Variants in CDH18 observed in about 807,000 individuals in gnomAD.
CDH18 encodes cadherin 18, also known as cadherin-18.
Under a neutral mutation model 67.9 loss-of-function variants are expected in CDH18, and 31 were observed. The observed-to-expected ratio is 0.46, with a 90% confidence interval of 0.34 to 0.62. The LOEUF (loss-of-function observed/expected upper bound fraction) is 0.62. Ranked by LOEUF, CDH18 falls within the 20% of genes least tolerant of loss-of-function variation. The pLI is 0.01. For missense variants in CDH18, 890 were observed against 975.5 expected (o/e 0.91, Z 1.17); for synonymous variants, 362 against 347.2 (o/e 1.04, Z -0.48).
chr5:20,274,782 T>G (rs940322512), intron 1 of CDH18, among the ~76,000 whole-genome samples: 1 of 152,208 alleles, frequency 6.6e-6, no homozygotes, highest in Admixed American at 6.5e-5. Flanking sequence ...CGTATTATCA[T>G]ACTTTGAGAA....
chr5:20,378,265 G>A lies in CDH18; in HGVS notation c.-579-122760C>T, dbSNP rs988102718. 3.9e-5 allele frequency among the ~76,000 whole-genome samples: 6 copies of A among 152,050 alleles called. No homozygotes were observed. In the East Asian group the frequency reaches 7.7e-4, roughly 20 times the overall value. On this transcript the variant is annotated intron_variant, in intron 1 of 14. Transcript: ENST00000507958. ...CGGCTCCCTGAAAGCTCCGCCTCCC[G>A]GGTTCACGCCATTCTCCTGCCTCAG...
chr5:19,673,240 A>C (rs1758995624), intron 5 of CDH18, among the ~76,000 whole-genome samples: 1 of 152,096 alleles, frequency 6.6e-6, no homozygotes, highest in Non-Finnish European at 1.5e-5. Flanking sequence ...ATCATCAGAA[A>C]CTAAACTATT....
At chr5:20,412,525 GCTT>G (rs1328107365) in intron 1 of CDH18, among the ~76,000 whole-genome samples, 1 of 152,170 alleles carries the variant, frequency 6.6e-6, no homozygotes, top group East Asian at 1.9e-4. Context: ...AAAGCAAAGA[GCTT>G]CTGCATAACA....
intron 1 of CDH18, among the ~76,000 whole-genome samples, chr5:20,406,679 G>A (rs896440358): frequency 6.6e-6 from 1 of 152,124 alleles, no homozygotes; most frequent in African/African-American, 2.4e-5. Context: ...CACTATTAAT[G>A]TTATGTAGAC....
chr5:20,467,151 G>A (rs951413325), intron 1 of CDH18, among the ~76,000 whole-genome samples: 1 of 152,086 alleles, frequency 6.6e-6, no homozygotes, highest in Non-Finnish European at 1.5e-5. Flanking sequence ...TAATGTAGCA[G>A]TAGGTCCCAA....
At chr5:19,917,344 C>CCA (rs879337167) in intron 2 of CDH18, among the ~76,000 whole-genome samples, 1 of 150,104 alleles carries the variant, frequency 6.7e-6, no homozygotes, top group Non-Finnish European at 1.5e-5. Flanking sequence ...TTTCCCCCCC[C>CCA]GCCCCCTTTT....
At chr5:20,264,571 G>T (rs184464002) in intron 1 of CDH18, among the ~76,000 whole-genome samples, 27 of 151,952 alleles carry the variant, frequency 1.8e-4, no homozygotes, top group East Asian at 1.4e-3. Flanking sequence ...AATGCAATTG[G>T]AAATATGGCT....
chr5:20,398,620 T>C (rs1053822904), intron 1 of CDH18, among the ~76,000 whole-genome samples: 3 of 151,386 alleles, frequency 2.0e-5, no homozygotes, highest in African/African-American at 7.3e-5. Context: ...TGTATACCTA[T>C]GTAAAAAACC....
intron 1 of CDH18, among the ~76,000 whole-genome samples, chr5:20,272,963 C>A (rs558162430): frequency 9.1e-4 from 138 of 152,100 alleles, no homozygotes; most frequent in Non-Finnish European, 1.5e-3. Context: ...TGCACACGGG[C>A]AAACACTAAG....
chr5:20,389,105 C>T (rs1580884696), intron 1 of CDH18, among the ~76,000 whole-genome samples: 1 of 151,964 alleles, frequency 6.6e-6, no homozygotes. Flanking sequence ...CCTGGATATC[C>T]TTGTTAACTT....
At chr5:20,225,670 T>A (rs1741567643) in intron 2 of CDH18, among the ~76,000 whole-genome samples, 1 of 152,022 alleles carries the variant, frequency 6.6e-6, no homozygotes, top group African/African-American at 2.4e-5. Context: ...TTAGTAGGGA[T>A]TCGTTAGAGC....
chr5:20,383,767 A>G (rs976166967), intron 1 of CDH18, among the ~76,000 whole-genome samples: 6 of 152,178 alleles, frequency 3.9e-5, no homozygotes, highest in Admixed American at 6.6e-5. Context: ...TACAGAATAT[A>G]ATTTGTAATA....
At chr5:20,128,062 G>A (rs555433775) in intron 2 of CDH18, among the ~76,000 whole-genome samples, 19 of 152,074 alleles carry the variant, frequency 1.2e-4, no homozygotes, top group African/African-American at 3.9e-4. Context: ...ATTGGCTCAC[G>A]CTAGTCTCCC....
chr5:20,497,743 G>A (rs1753996451), intron 1 of CDH18, among the ~76,000 whole-genome samples: 2 of 152,114 alleles, frequency 1.3e-5, no homozygotes, highest in Admixed American at 6.6e-5. Flanking sequence ...AGACCCTCAT[G>A]AGAAAATATC....
chr5:19,728,956 C>T (rs746711110), intron 4 of CDH18, among the ~76,000 whole-genome samples: 1 of 152,136 alleles, frequency 6.6e-6, no homozygotes, highest in Non-Finnish European at 1.5e-5. Flanking sequence ...GCATTGTAGT[C>T]ATTGTGTAAT....
intron 9 of CDH18, among the ~76,000 whole-genome samples, chr5:19,532,832 G>A (rs1301218956): frequency 1.3e-5 from 2 of 152,174 alleles, no homozygotes; most frequent in Admixed American, 6.5e-5. Flanking sequence ...TGTGGAACAT[G>A]AGAGAGAAGA....
At chr5:20,060,083 C>T (rs931253202) in intron 2 of CDH18, among the ~76,000 whole-genome samples, 3 of 152,006 alleles carry the variant, frequency 2.0e-5, no homozygotes, top group Non-Finnish European at 2.9e-5. Context: ...GTGTAACAAA[C>T]GTGCACATTC....
At chr5:20,233,661 T>G (rs1742254917) in intron 2 of CDH18, among the ~76,000 whole-genome samples, 1 of 152,102 alleles carries the variant, frequency 6.6e-6, no homozygotes, top group Admixed American at 6.5e-5. Context: ...TTTGCATGTG[T>G]ATTTATTTAA....
intron 2 of CDH18, among the ~76,000 whole-genome samples, chr5:19,872,012 A>T (rs1786361991): frequency 6.6e-6 from 1 of 152,192 alleles, no homozygotes; most frequent in Admixed American, 6.5e-5. Context: ...AAACTGGTGA[A>T]CCAAATCCTT....
Sources: allele counts gnomAD v4.1 joint callset (sites outside exome capture counted in the v4.1 genomes callset), GRCh38; gene constraint gnomAD v4.1.1; transcripts MANE v1.5; gene names NCBI Gene and HGNC (gene_info 2026-07-23, HGNC 2026-07-21).